Variants in NTN1 observed in about 807,000 individuals in gnomAD.
The protein encoded by NTN1 is netrin 1.
NTN1 carries 11 observed loss-of-function variants against 54.2 expected under a neutral mutation model. The observed-to-expected ratio is 0.20, with a 90% confidence interval of 0.13 to 0.34. NTN1 has a LOEUF of 0.34. Ranked by LOEUF, NTN1 falls within the 10% of genes least tolerant of loss-of-function variation. NTN1 has a pLI of 1.00. For synonymous variants in NTN1, 371 were observed against 382.0 expected (o/e 0.97, Z 0.33); for missense variants, 740 against 893.1 (o/e 0.83, Z 2.18).
intron 2 of NTN1, among the ~76,000 whole-genome samples, chr17:9,151,270 C>T (rs994596412): frequency 6.6e-6 from 1 of 152,108 alleles, no homozygotes; most frequent in East Asian, 1.9e-4. Flanking sequence ...AGTGTTTATT[C>T]AGCCCTATTA....
At chr17:9,089,359 G>A (rs2092101172) in intron 2 of NTN1, among the ~76,000 whole-genome samples, 1 of 151,766 alleles carries the variant, frequency 6.6e-6, no homozygotes, top group Admixed American at 6.6e-5. Flanking sequence ...AGGTTGCAGT[G>A]AGCCGAGATT....
upstream of NTN1, among the ~76,000 whole-genome samples, chr17:9,021,372 T>TC (rs140665600): frequency 0.78 from 119,041 of 151,768 alleles, 47,019 homozygotes; most frequent in African/African-American, 0.85. Flanking sequence ...CTCTCGGGCG[T>TC]CCGGGCCGGT....
intron 6 of NTN1, among the ~76,000 whole-genome samples, chr17:9,231,524 G>A (rs750195526): frequency 3.3e-5 from 5 of 152,246 alleles, no homozygotes; most frequent in Non-Finnish European, 5.9e-5. Flanking sequence ...TGTAGAGAGT[G>A]CATGGATGCT....
intron 5 of NTN1, among the ~76,000 whole-genome samples, chr17:9,186,535 G>GCCTTACCTGGTA (rs1205273812): frequency 1.1e-3 from 163 of 152,384 alleles, no homozygotes; most frequent in African/African-American, 3.7e-3. Context: ...CCCCATCGGG[G>GCCTTACCTGGTA]CCTTACCTGG....
Position 9,221,690 on chromosome 17 carries a change from G to A in NTN1, c.1486+448G>A, listed in dbSNP as rs565811547. On this transcript the variant is annotated intron_variant, in intron 6 of 6. Coordinates refer to ENST00000173229, the MANE Select transcript of NTN1 (RefSeq NM_004822.3). The surrounding 1 kb of genome is among the most constrained non-coding windows in gnomAD (Gnocchi z 4.5). ...TTCCAGTGTTCCGCCAGGCTGTAGC[G>A]GGGCCGGGAGTCTGCGCTGTAAACG... 2.6e-5 allele frequency among the ~76,000 whole-genome samples: 4 copies of A among 152,354 alleles called. No homozygotes were observed. The highest frequency in any genetic ancestry group is 5.9e-5 in the Non-Finnish European group (4 of 68,026).
At chr17:9,039,312 G>T (rs1345405267) in intron 2 of NTN1, among the ~76,000 whole-genome samples, 1 of 152,156 alleles carries the variant, frequency 6.6e-6, no homozygotes, top group African/African-American at 2.4e-5. Context: ...CAGCAGTGTT[G>T]TTAAAATGAA....
rs771813609 is a variant in NTN1, at chr17:9,023,288, C to T, written c.915C>T (p.Asp305=). 2.6e-5 allele frequency: 41 copies of T among 1,555,398 alleles called. No individual in the cohort carries two copies. The Admixed American group carries it at 7.4e-4, about 28-fold the overall frequency. Residue 305 remains aspartate (D), a synonymous_variant, in exon 2 of 7, where the codon GAC becomes GAT. Transcript: ENST00000173229. The part of the protein sequence containing the change: ...VRDRDDSLVC[D]CRHNTAGPEC... ...ACCGCGACGACAGCCTGGTGTGCGA[C>T]TGCAGGCACAACACGGCCGGCCCGG... is the stretch of plus-strand genomic sequence containing the variant.
intron 2 of NTN1, among the ~76,000 whole-genome samples, chr17:9,088,340 C>T (rs1033603604): frequency 6.6e-6 from 1 of 152,176 alleles, no homozygotes; most frequent in Non-Finnish European, 1.5e-5. Context: ...AAGTGGGGAT[C>T]AGGAGTTCTG....
In NTN1 at chr17:9,243,831, ATG is replaced by A. The variant is rs1906315652; in HGVS notation, c.*3864_*3865del. 1 of 142,232 alleles carries A rather than the reference ATG, an allele frequency of 7.0e-6. No homozygotes were observed. The highest frequency in any genetic ancestry group is 1.5e-5 in the Non-Finnish European group (1 of 66,286). The allele number at this position is 142,232 out of a possible 1,614,324, so 8.8% of individuals were successfully genotyped here. On this transcript the variant is annotated 3_prime_UTR_variant, in exon 7 of 7. Transcript: ENST00000173229. Reference sequence around the variant, plus strand: ...TACTAATATATTATGGTTATTATATATGAATATATTTAATGACATGGAAAAAG... The same window carrying A: ...TACTAATATATTATGGTTATTATATAAATATATTTAATGACATGGAAAAAG...
intron 2 of NTN1, among the ~76,000 whole-genome samples, chr17:9,062,560 A>G (rs963545840): frequency 6.6e-6 from 1 of 152,192 alleles, no homozygotes; most frequent in African/African-American, 2.4e-5. Flanking sequence ...CTAAGGAAAA[A>G]AAAGCCCTCC....
intron 2 of NTN1, among the ~76,000 whole-genome samples, chr17:9,143,590 T>C (rs559636540): frequency 6.6e-6 from 1 of 152,208 alleles, no homozygotes; most frequent in Non-Finnish European, 1.5e-5. Flanking sequence ...GGGATGGGAC[T>C]CTCCTGGTGA....
chr17:9,007,473 T>A, the NTN1 span, among the ~76,000 whole-genome samples: 1 of 150,958 alleles, frequency 6.6e-6, no homozygotes, highest in South Asian at 2.1e-4. Flanking sequence ...TCTCTTTCTT[T>A]CATTCATTCA....
Position 9,023,373 on chromosome 17 carries a change from G to A in NTN1, c.1000G>A (p.Glu334Lys). ...GCCCTGGCAGCGCGCCACAGCCCGCGAAGCCAACGAGTGCGTGGGTGAGTG... is the reference window on the plus strand; with the variant it reads ...GCCCTGGCAGCGCGCCACAGCCCGCAAAGCCAACGAGTGCGTGGGTGAGTG... ...DRPWQRATAREANECVACNCN... is the reference protein window; with the variant it reads ...DRPWQRATARKANECVACNCN... Residue 334 changes from glutamate (E) to lysine (K), a missense_variant, in exon 2 of 7, where the codon GAA becomes AAA. Coordinates refer to ENST00000173229, the MANE Select transcript of NTN1 (RefSeq NM_004822.3). The A allele has an allele frequency of 6.8e-7, 1 of 1,475,162 alleles. No individual in the cohort carries two copies. 91.4% of individuals were successfully genotyped at this position (1,475,162 alleles called of 1,614,324 possible). A position where few individuals can be genotyped will look rare whatever the true frequency, so the allele number is the denominator to read the frequency against.
intron 2 of NTN1, among the ~76,000 whole-genome samples, chr17:9,150,070 C>T (rs1041076062): frequency 3.9e-5 from 6 of 152,192 alleles, no homozygotes; most frequent in African/African-American, 1.4e-4. Context: ...AGCATGGTGG[C>T]GGGCGCCTGT....
At chr17:9,105,514 G>A (rs865959463) in intron 2 of NTN1, among the ~76,000 whole-genome samples, 2 of 152,194 alleles carry the variant, frequency 1.3e-5, no homozygotes, top group African/African-American at 2.4e-5. Context: ...TTATAAATCT[G>A]TCAAAACGTG....
intron 2 of NTN1, among the ~76,000 whole-genome samples, chr17:9,098,705 G>C (rs553602655): frequency 9.2e-5 from 14 of 152,296 alleles, no homozygotes; most frequent in Middle Eastern, 3.4e-3. Context: ...GGAGAAGAGA[G>C]AGGTTAGTGA....
chr17:9,106,297 A>G (rs2092165728), intron 2 of NTN1, among the ~76,000 whole-genome samples: 1 of 152,118 alleles, frequency 6.6e-6, no homozygotes, highest in Non-Finnish European at 1.5e-5. Context: ...TGTGTTTTGT[A>G]TCTTGGGGGC....
At chr17:9,102,872 A>G (rs1257518870) in intron 2 of NTN1, among the ~76,000 whole-genome samples, 5 of 152,252 alleles carry the variant, frequency 3.3e-5, no homozygotes, top group Admixed American at 1.3e-4. Flanking sequence ...AGCCAGATGC[A>G]TACTCTACGA....
intron 5 of NTN1, among the ~76,000 whole-genome samples, chr17:9,216,006 G>A (rs1340553003): frequency 2.0e-5 from 3 of 152,190 alleles, no homozygotes; most frequent in Non-Finnish European, 4.4e-5. Context: ...TGTCACTCAG[G>A]CTAAAGTGCA....
Sources: allele counts gnomAD v4.1 joint callset (sites outside exome capture counted in the v4.1 genomes callset), GRCh38; gene constraint gnomAD v4.1.1; non-coding constraint Gnocchi (gnomAD v3.1); transcripts MANE v1.5; gene names NCBI Gene and HGNC (gene_info 2026-07-23, HGNC 2026-07-21).